Variants in SETBP1 observed in about 807,000 individuals in gnomAD.
The protein encoded by SETBP1 is SET binding protein 1.
Under a neutral mutation model 101.0 loss-of-function variants are expected in SETBP1, and 9 were observed. The observed-to-expected ratio is 0.09, with a 90% CI of 0.05 to 0.16. SETBP1 has a LOEUF of 0.16. Ranked by LOEUF, SETBP1 falls within the 10% of genes least tolerant of loss-of-function variation. The pLI is 1.00. For synonymous variants in SETBP1, 818 were observed against 788.5 expected, an observed-to-expected ratio of 1.04 and a Z score of -0.63; for missense variants, 1,858 against 2,033.8, an observed-to-expected ratio of 0.91 and a Z score of 1.66.
intron 4 of SETBP1, chr18:44,986,767 A>T (rs2072245041): frequency 6.6e-6 from 1 of 152,126 alleles, no homozygotes; most frequent in Non-Finnish European, 1.5e-5. Context: ...AGGGGCAATA[A>T]CACGTATGGT....
chr18:44,762,391 C>T (rs1013783983), intron 2 of SETBP1, among the ~76,000 whole-genome samples: 9 of 152,232 alleles, frequency 5.9e-5, no homozygotes, highest in African/African-American at 2.2e-4. Context: ...ACATTTTGTT[C>T]AGATCTTCAA....
At chr18:44,803,626 C>T (rs547061320) in intron 2 of SETBP1, among the ~76,000 whole-genome samples, 52 of 152,224 alleles carry the variant, frequency 3.4e-4, no homozygotes, top group South Asian at 3.3e-3. Context: ...CTCACTTCCT[C>T]AATAGTGAAA....
chr18:44,942,315 G>A (rs1023236055), intron 3 of SETBP1, among the ~76,000 whole-genome samples: 2 of 152,138 alleles, frequency 1.3e-5, no homozygotes, highest in Non-Finnish European at 2.9e-5. Flanking sequence ...TTAGCTGATA[G>A]CCCCCAGTAG....
At chr18:45,013,044 C>T in intron 4 of SETBP1, among the ~76,000 whole-genome samples, 1 of 152,212 alleles carries the variant, frequency 6.6e-6, no homozygotes, top group Admixed American at 6.5e-5. Context: ...GGAGTAGAGT[C>T]AGTACTTAGG....
chr18:44,760,281 G>A (rs1312037374), intron 2 of SETBP1, among the ~76,000 whole-genome samples: 1 of 152,192 alleles, frequency 6.6e-6, no homozygotes, highest in Non-Finnish European at 1.5e-5. Flanking sequence ...CTCTCTGGAT[G>A]GGGAAGGGAG....
At chr18:44,943,421 A>G (rs892725308) in intron 3 of SETBP1, among the ~76,000 whole-genome samples, 6 of 152,352 alleles carry the variant, frequency 3.9e-5, no homozygotes, top group Middle Eastern at 3.4e-3. Context: ...CTGAGCTGGA[A>G]CATCTCTTGA....
chr18:45,013,501 G>C (rs968162941), intron 4 of SETBP1, among the ~76,000 whole-genome samples: 1 of 151,764 alleles, frequency 6.6e-6, no homozygotes, highest in African/African-American at 2.4e-5. Flanking sequence ...GTGCAGTGGT[G>C]TGACCTGGGC....
At position 44,829,365 on chromosome 18, in the gene SETBP1, C is replaced by T. The variant is rs116010088; in HGVS notation, c.487-39865C>T. ...GTCAAGTATAATTCTATTGAAAAGACGAAATTTTGCTGATAAAGTGTATCT... is the reference window on the plus strand; with the variant it reads ...GTCAAGTATAATTCTATTGAAAAGATGAAATTTTGCTGATAAAGTGTATCT... On this transcript the variant is annotated intron_variant, in intron 2 of 5. Coordinates refer to ENST00000649279, the MANE Select transcript of SETBP1 (RefSeq NM_015559.3). Among the ~76,000 whole-genome samples the T allele has an allele frequency of 8.2e-3, 1,246 of 152,116 alleles. 7 individuals carry two copies. Among genetic ancestry groups the T allele is most frequent in the African/African-American group, 0.027 (1,140 of 41,490 alleles).
At chr18:44,862,032 G>A (rs2069025561) in intron 2 of SETBP1, among the ~76,000 whole-genome samples, 1 of 152,168 alleles carries the variant, frequency 6.6e-6, no homozygotes, top group Non-Finnish European at 1.5e-5. Flanking sequence ...AATCTGAAAG[G>A]TGGAGGATTA....
At chr18:44,830,684 T>C (rs2072343457) in intron 2 of SETBP1, among the ~76,000 whole-genome samples, 1 of 152,212 alleles carries the variant, frequency 6.6e-6, no homozygotes, top group Non-Finnish European at 1.5e-5. Flanking sequence ...ACTGTTCTGC[T>C]TCCTTGGCCA....
chr18:44,792,567 G>T (rs571897596), intron 2 of SETBP1, among the ~76,000 whole-genome samples: 1 of 152,174 alleles, frequency 6.6e-6, no homozygotes, highest in South Asian at 2.1e-4. Context: ...GCCCACCACC[G>T]CCTGGAGTAC....
chr18:44,750,583 G>T (rs1375507462), intron 2 of SETBP1, among the ~76,000 whole-genome samples: 1 of 152,194 alleles, frequency 6.6e-6, no homozygotes, highest in East Asian at 1.9e-4. Context: ...AAACTTGGGA[G>T]ATGTTTTAGG....
At chr18:44,887,077 G>C (rs595106) in intron 3 of SETBP1, among the ~76,000 whole-genome samples, 81,357 of 151,822 alleles carry the variant, frequency 0.54, 21,927 homozygotes, top group Non-Finnish European at 0.55. Context: ...AAATCGTGTG[G>C]TTCCTCTTAG....
chr18:44,990,250 T>C (rs2072337047), intron 4 of SETBP1, among the ~76,000 whole-genome samples: 1 of 152,008 alleles, frequency 6.6e-6, no homozygotes, highest in African/African-American at 2.4e-5. Context: ...TGTGAGAAGG[T>C]ATAGTGAACA....
At chr18:45,033,652 C>A (rs1250237787) in intron 4 of SETBP1, among the ~76,000 whole-genome samples, 3 of 152,164 alleles carry the variant, frequency 2.0e-5, no homozygotes, top group African/African-American at 7.2e-5. Flanking sequence ...CTTAGAATTA[C>A]AAAATTAATT....
chr18:44,774,651 T>C (rs924676532), intron 2 of SETBP1, among the ~76,000 whole-genome samples: 1 of 152,084 alleles, frequency 6.6e-6, no homozygotes, highest in Non-Finnish European at 1.5e-5. Context: ...AACTCAGAGT[T>C]GGAGGTCACT....
intron 2 of SETBP1, among the ~76,000 whole-genome samples, chr18:44,718,855 T>G (rs1271535062): frequency 6.6e-6 from 1 of 152,142 alleles, no homozygotes; most frequent in African/African-American, 2.4e-5. Flanking sequence ...CACCTCGTAG[T>G]ATCTCAACTA....
At chr18:44,680,625 G>A (rs950165937), upstream of SETBP1, among the ~76,000 whole-genome samples, 15 of 152,196 alleles carry the variant, frequency 9.9e-5, no homozygotes, top group Non-Finnish European at 1.6e-4. Flanking sequence ...ATTCCGGCGG[G>A]CCGGCGGGTG....
chr18:44,937,150 C>G (rs1025403468), intron 3 of SETBP1, among the ~76,000 whole-genome samples: 3 of 152,138 alleles, frequency 2.0e-5, no homozygotes, highest in South Asian at 2.1e-4. Flanking sequence ...TTTCAACTCC[C>G]CCTTTAAGAT....
Sources: allele counts gnomAD v4.1 joint callset (sites outside exome capture counted in the v4.1 genomes callset), GRCh38; gene constraint gnomAD v4.1.1; transcripts MANE v1.5; gene names NCBI Gene and HGNC (gene_info 2026-07-23, HGNC 2026-07-21).